MAGI2: variants seen among roughly 807,000 people sequenced by gnomAD.
MAGI2 encodes the protein membrane associated guanylate kinase, WW and PDZ domain containing 2.
MAGI2 carries 35 observed loss-of-function variants against 133.3 expected under a neutral mutation model. The ratio of observed to expected loss-of-function variants is 0.26; its 90% CI spans 0.20 to 0.35. The LOEUF is 0.35. Among genes scored for constraint, MAGI2 ranks in the 10% least tolerant of loss-of-function variants. The pLI is 1.00. For synonymous variants in MAGI2, 729 were observed against 710.6 expected (o/e 1.03, Z -0.41); for missense variants, 1,636 against 1,863.4 (o/e 0.88, Z 2.25).
chr7:78,457,916 C>G (rs897440774), intron 6 of MAGI2, among the ~76,000 whole-genome samples: 1 of 152,120 alleles, frequency 6.6e-6, no homozygotes, highest in Non-Finnish European at 1.5e-5. Context: ...TCAATAATCT[C>G]CAAAGCCTTT....
rs577324134 is a variant in MAGI2 at position 78,408,271 on chromosome 7, A to T, written c.1046-39058T>A. On this transcript the variant is annotated intron_variant, in intron 6 of 21. Coordinates refer to ENST00000354212, the MANE Select transcript of MAGI2 (RefSeq NM_012301.4). ...ATCAGGCTAATTAACATATGCATAT[A>T]CTTCTCATTTTTTACGGTAAGAACA... Among the ~76,000 whole-genome samples the T allele has an allele frequency of 1.1e-3, 172 of 152,188 alleles. 1 individual carries two copies. The highest frequency in any genetic ancestry group is 3.6e-3 in the African/African-American group (151 of 41,536).
chr7:78,282,783 A>T (rs1042796668), intron 9 of MAGI2, among the ~76,000 whole-genome samples: 3 of 152,066 alleles, frequency 2.0e-5, no homozygotes, highest in African/African-American at 7.2e-5. Flanking sequence ...AACCCTATTG[A>T]TTTCAAGCTT....
At chr7:79,292,428 C>G (rs533079499) in intron 1 of MAGI2, among the ~76,000 whole-genome samples, 1 of 151,738 alleles carries the variant, frequency 6.6e-6, no homozygotes, top group Admixed American at 6.6e-5. Context: ...TTGAGACCAG[C>G]CTGGCCTGTG....
chr7:79,171,732 C>T (rs1387970168), intron 1 of MAGI2, among the ~76,000 whole-genome samples: 1 of 72,560 alleles, frequency 1.4e-5, no homozygotes, highest in Non-Finnish European at 3.0e-5. Flanking sequence ...TTAAGCAAGA[C>T]AATAGCCAAA....
At chr7:79,069,903 T>C (rs1167488717) in intron 1 of MAGI2, among the ~76,000 whole-genome samples, 2 of 152,170 alleles carry the variant, frequency 1.3e-5, no homozygotes, top group Admixed American at 1.3e-4. Flanking sequence ...GGTTGAAAAT[T>C]CTTTTCTTTA....
rs759488264 is a variant in MAGI2, at chr7:78,430,324, T to C, written c.1045+59437A>G. Among the ~76,000 whole-genome samples, 24 of 148,060 alleles carry C rather than the reference T, an allele frequency of 1.6e-4. 1 individual carries two copies. The highest frequency in any genetic ancestry group is 3.3e-4 in the Non-Finnish European group (22 of 67,466). On this transcript the variant is annotated intron_variant, in intron 6 of 21. Transcript: ENST00000354212. ...TACTTAGGAATTAAAAGCCTGCATGTAAATATGCATATATATTCTACAGCT... is the reference window on the plus strand; with the variant it reads ...TACTTAGGAATTAAAAGCCTGCATGCAAATATGCATATATATTCTACAGCT...
chr7:78,633,733 G>T (rs1252285433), intron 2 of MAGI2, among the ~76,000 whole-genome samples: 1 of 149,026 alleles, frequency 6.7e-6, no homozygotes, highest in African/African-American at 2.5e-5. Flanking sequence ...AAAAGTGAGA[G>T]AATGCTGTGG....
chr7:78,363,752 G>A (rs1793090610), intron 7 of MAGI2, among the ~76,000 whole-genome samples: 1 of 152,070 alleles, frequency 6.6e-6, no homozygotes, highest in African/African-American at 2.4e-5. Context: ...AACAGTTACT[G>A]AACATACCTA....
intron 1 of MAGI2, among the ~76,000 whole-genome samples, chr7:79,331,799 G>A (rs984309934): frequency 6.6e-6 from 1 of 151,886 alleles, no homozygotes; most frequent in African/African-American, 2.4e-5. Flanking sequence ...TTTTTAAAAA[G>A]GTATCATTTT....
At chr7:78,343,483 C>T (rs1298686638) in intron 9 of MAGI2, among the ~76,000 whole-genome samples, 1 of 151,862 alleles carries the variant, frequency 6.6e-6, no homozygotes, top group Non-Finnish European at 1.5e-5. Flanking sequence ...TTAATCACAC[C>T]CCTAAGAACA....
intron 7 of MAGI2, among the ~76,000 whole-genome samples, chr7:78,357,174 C>T (rs1792169076): frequency 6.6e-6 from 1 of 152,162 alleles, no homozygotes; most frequent in Non-Finnish European, 1.5e-5. Context: ...TAATTCTTGT[C>T]CTGGGCTGCA....
At chr7:78,089,678 C>T (rs1816992591) in intron 20 of MAGI2, among the ~76,000 whole-genome samples, 1 of 152,126 alleles carries the variant, frequency 6.6e-6, no homozygotes, top group Non-Finnish European at 1.5e-5. Flanking sequence ...GTCAGAGTTA[C>T]CTTTGCCTCT....
chr7:78,083,677 T>G (rs3823795), intron 20 of MAGI2, among the ~76,000 whole-genome samples: 112,478 of 152,148 alleles, frequency 0.74, 41,630 homozygotes, highest in East Asian at 0.76. Flanking sequence ...TGTGTCTAGG[T>G]CCCCGCCTAG....
In MAGI2 at chr7:78,078,786, GTA is replaced by G. The variant is rs1056218121; in HGVS notation, c.3706+159_3706+160del. 2.6e-4 allele frequency: 180 copies of G among 705,692 alleles called. No individual in the cohort carries two copies. In the African/African-American group the frequency reaches 3.0e-3, roughly 12 times the overall value. 43.7% of individuals were successfully genotyped at this position (705,692 alleles called of 1,614,324 possible). ...TGGGCATAAACATACGTGTGTGTGT[GTA>G]TGTGTGTGTGTGTGTGTGTGTGTGT... On this transcript the variant is annotated intron_variant, in intron 21 of 21. Transcript: ENST00000354212.
chr7:78,873,010 A>C (rs1795154936), intron 2 of MAGI2, among the ~76,000 whole-genome samples: 1 of 152,170 alleles, frequency 6.6e-6, no homozygotes, highest in Non-Finnish European at 1.5e-5. Context: ...AATAGTTATA[A>C]ATTTCTATTT....
chr7:79,133,807 C>A (rs527761356), intron 1 of MAGI2, among the ~76,000 whole-genome samples: 1 of 152,280 alleles, frequency 6.6e-6, no homozygotes, highest in South Asian at 2.1e-4. Flanking sequence ...AAGATACCCG[C>A]TCAAAGTGAG....
chr7:79,308,561 T>G (rs1415851689), intron 1 of MAGI2, among the ~76,000 whole-genome samples: 5 of 152,170 alleles, frequency 3.3e-5, no homozygotes, highest in African/African-American at 1.2e-4. Flanking sequence ...GGTATTCATG[T>G]CCACAAACAA....
At chr7:78,277,725 G>T (rs1795187404) in intron 9 of MAGI2, among the ~76,000 whole-genome samples, 1 of 152,176 alleles carries the variant, frequency 6.6e-6, no homozygotes, top group African/African-American at 2.4e-5. Context: ...AGTAGCCATT[G>T]ATTTCGCCAA....
intron 2 of MAGI2, among the ~76,000 whole-genome samples, chr7:78,679,728 T>C (rs1158951611): frequency 6.6e-6 from 1 of 152,108 alleles, no homozygotes; most frequent in Non-Finnish European, 1.5e-5. Flanking sequence ...CAGTGTGAAA[T>C]AATGTCACGG....
Sources: allele counts gnomAD v4.1 joint callset (sites outside exome capture counted in the v4.1 genomes callset), GRCh38; gene constraint gnomAD v4.1.1; transcripts MANE v1.5; gene names NCBI Gene and HGNC (gene_info 2026-07-23, HGNC 2026-07-21).